VWDE: variants seen among roughly 807,000 people sequenced by gnomAD.
VWDE encodes the protein von Willebrand factor D and EGF domains, also known as von Willebrand factor D and EGF domain-containing protein.
In VWDE, 207 loss-of-function variants were observed where a neutral mutation model predicts 178.4. That is an observed-to-expected ratio of 1.16 (90% confidence interval 1.04 to 1.30). The LOEUF (loss-of-function observed/expected upper bound fraction) is 1.30. VWDE is among the 50% of genes most tolerant of loss of function. The pLI is 0.00. For synonymous variants in VWDE, 738 were observed against 651.4 expected, an observed-to-expected ratio of 1.13 and a Z score of -2.02; for missense variants, 2,287 against 1,901.3, an observed-to-expected ratio of 1.20 and a Z score of -3.77.
chr7:12,374,266 GTATTCTTGTCAAGAC>G (rs1783386294), intron 9 of VWDE, among the ~76,000 whole-genome samples: 1 of 151,926 alleles, frequency 6.6e-6, no homozygotes, highest in Non-Finnish European at 1.5e-5. Flanking sequence ...TTTTTCCTGA[GTATTCTTGTCAAGAC>G]TTAGGAGTAA....
At chr7:12,373,350 A>T (rs530568400) in intron 9 of VWDE, 103 bp from the exon 10 acceptor site, 1 of 1,237,070 alleles carries the variant, frequency 8.1e-7, no homozygotes, top group South Asian at 1.3e-5. Context: ...ATTTTGTTGT[A>T]TGCACTGAAG....
Position 12,342,105 on chromosome 7 carries a change from A to T in VWDE, c.4224T>A (p.Asp1408Glu), listed in dbSNP as rs1361661350. ...ACCAGCCAGGTTTGCACTGGCAAAT[A>T]TCTGGTGTAAGACACTGGCCTCCAT... ...CENGGQCLTP[D>E]ICQCKPGWYG... Residue 1408 changes from aspartate (D) to glutamate (E), a missense_variant, in exon 23 of 29, where the codon GAT becomes GAA. By Grantham distance (45) the Asp-to-Glu change is conservative. Coordinates refer to ENST00000275358, the MANE Select transcript of VWDE (RefSeq NM_001135924.3). 1.3e-6 allele frequency: 2 copies of T among 1,551,608 alleles called. No homozygotes were observed. Among genetic ancestry groups the T allele is most frequent in the Admixed American group, 2.0e-5 (1 of 51,000 alleles).
chr7:12,342,191 C>T, intron 22 of VWDE, 37 bp from the exon 23 acceptor site: 1 of 1,519,172 alleles, frequency 6.6e-7, no homozygotes, highest in Non-Finnish European at 8.9e-7. Flanking sequence ...AAAGATTAGG[C>T]TTGGAGTAGT....
chr7:12,338,518 T>C (rs575706757), intron 24 of VWDE, among the ~76,000 whole-genome samples: 1 of 152,060 alleles, frequency 6.6e-6, no homozygotes, highest in East Asian at 1.9e-4. Context: ...TAATTAATCA[T>C]CCACAAAAAC....
At chr7:12,336,060 C>T (rs554629821) in intron 27 of VWDE, 81 bp downstream of exon 27, 3 of 1,257,750 alleles carry the variant, frequency 2.4e-6, no homozygotes, top group Non-Finnish European at 3.3e-6. Context: ...CCCTTATGGA[C>T]TTGTCCTAAA....
At chr7:12,344,051 T>G (rs1013526201) in intron 21 of VWDE, 144 bp downstream of exon 21, 9 of 491,774 alleles carry the variant, frequency 1.8e-5, no homozygotes, top group African/African-American at 1.6e-4. Context: ...TAATAAGTAT[T>G]TTAAAATGTA....
chr7:12,370,564 C>T, intron 11 of VWDE, 55 bp from the exon 12 acceptor site: 2 of 1,527,994 alleles, frequency 1.3e-6, no homozygotes, highest in Non-Finnish European at 1.8e-6. Flanking sequence ...CATTTGTTTC[C>T]TAATATGTGT....
At chr7:12,362,333 AT>A (rs1782633007) in intron 13 of VWDE, among the ~76,000 whole-genome samples, 1 of 151,970 alleles carries the variant, frequency 6.6e-6, no homozygotes. Context: ...CTTATTCTTG[AT>A]TCTCTAAGAA....
intron 10 of VWDE, among the ~76,000 whole-genome samples, chr7:12,372,516 AT>A (rs1783262546): frequency 1.3e-5 from 2 of 152,100 alleles, no homozygotes; most frequent in African/African-American, 4.8e-5. Flanking sequence ...CTTTAAAAAA[AT>A]ATTAGCCTGC....
Position 12,351,615 on chromosome 7 carries a change from C to A in VWDE, c.3844G>T (p.Gly1282Trp), listed in dbSNP as rs1233094973. The A allele has an allele frequency of 3.9e-6, 6 of 1,549,912 alleles. No homozygotes were observed. In the East Asian group the frequency reaches 9.8e-5, roughly 25 times the overall value. Residue 1282 changes from glycine to tryptophan, a missense_variant, in exon 19 of 29, where the codon GGG (glycine) becomes TGG (tryptophan). By Grantham distance (184) the Gly-to-Trp change is radical. Transcript: ENST00000275358. ...NKEEDDKNAQ[G>W]RKRHVKPTSG... Reference sequence around the variant, plus strand: ...GTTGGCTTAACATGCCTCTTTCTCCCTTGGGCATTTTTATCATCCTCTTCT... The same window carrying A: ...GTTGGCTTAACATGCCTCTTTCTCCATTGGGCATTTTTATCATCCTCTTCT...
intron 12 of VWDE, among the ~76,000 whole-genome samples, chr7:12,368,693 T>C (rs1273422726): frequency 9.2e-5 from 14 of 152,152 alleles, no homozygotes; most frequent in Non-Finnish European, 2.9e-5. Flanking sequence ...ACAGGAGCAA[T>C]ATGATCTCAC....
At position 12,383,550 on chromosome 7, in the gene VWDE, C is replaced by T. The variant is rs1366660657; in HGVS notation, c.527G>A (p.Gly176Glu). The T allele has an allele frequency of 1.3e-6, 2 of 1,550,206 alleles. No individual in the cohort carries two copies. Among genetic ancestry groups the T allele is most frequent in the South Asian group, 1.2e-5 (1 of 84,022 alleles). Residue 176 changes from glycine to glutamate, a missense_variant, in exon 4 of 29, where the codon GGA becomes GAA. Coordinates refer to ENST00000275358, the MANE Select transcript of VWDE (RefSeq NM_001135924.3). ...HPCGSDETET[G>E]GDCVRQLAAS... ...ATGATACTTACGAACACAATCACCT[C>T]CTGTTTCAGTTTCATCAGAACCACA... is the stretch of plus-strand genomic sequence containing the variant.
intron 13 of VWDE, among the ~76,000 whole-genome samples, chr7:12,365,782 A>G (rs1253253338): frequency 6.6e-6 from 1 of 152,160 alleles, no homozygotes; most frequent in Admixed American, 6.6e-5. Context: ...TGGCGCTAGG[A>G]GAGACAGACT....
chr7:12,337,139 T>A, intron 25 of VWDE, 38 bp downstream of exon 25: 1 of 1,551,228 alleles, frequency 6.4e-7, no homozygotes, highest in Non-Finnish European at 8.7e-7. Context: ...TGTCTTGGCT[T>A]TAGCTGTAGT....
At chr7:12,359,127 G>A (rs1234212679) in intron 16 of VWDE, among the ~76,000 whole-genome samples, 1 of 152,108 alleles carries the variant, frequency 6.6e-6, no homozygotes, top group Non-Finnish European at 1.5e-5. Context: ...TATGGTACAT[G>A]ACTATAATTT....
At chr7:12,373,508 C>A (rs969233588) in intron 9 of VWDE, among the ~76,000 whole-genome samples, 2 of 152,098 alleles carry the variant, frequency 1.3e-5, no homozygotes, top group African/African-American at 4.8e-5. Context: ...TCTCCCTCAT[C>A]TTTGAGTACT....
chr7:12,373,543 G>A (rs62448570), intron 9 of VWDE, among the ~76,000 whole-genome samples: 123 of 152,048 alleles, frequency 8.1e-4, no homozygotes, highest in Non-Finnish European at 1.4e-3. Context: ...CTCACCAAAT[G>A]GCTTTTCGTA....
chr7:12,380,997 C>G (rs996065428), intron 4 of VWDE, among the ~76,000 whole-genome samples: 3 of 152,108 alleles, frequency 2.0e-5, no homozygotes, highest in Admixed American at 6.6e-5. Context: ...AAGTCTAGCT[C>G]TTGAAAAGAA....
chr7:12,386,064 GTT>G (rs1339569323), intron 3 of VWDE, among the ~76,000 whole-genome samples: 1 of 152,064 alleles, frequency 6.6e-6, no homozygotes, highest in African/African-American at 2.4e-5. Flanking sequence ...TGGTGTGAAA[GTT>G]TTGTTTTCTT....
Sources: gnomAD v4.1 joint callset for allele counts (sites outside exome capture counted in the v4.1 genomes callset) on GRCh38, gnomAD v4.1.1 for gene constraint, MANE v1.5 for transcripts, NCBI Gene and HGNC (gene_info 2026-07-23, HGNC 2026-07-21) for gene names.